The following UBE2E2 variants were observed in gnomAD, a reference collection of about 807,000 sequenced individuals.
The protein encoded by UBE2E2 is ubiquitin conjugating enzyme E2 E2.
Under a neutral mutation model 24.7 loss-of-function variants are expected in UBE2E2, and 6 were observed. The observed-to-expected ratio is 0.24, with a 90% CI of 0.13 to 0.48. The LOEUF (loss-of-function observed/expected upper bound fraction) is 0.48, where lower values mean the gene tolerates loss of function less well. Ranked by LOEUF, UBE2E2 falls within the 20% of genes least tolerant of loss-of-function variation. UBE2E2 has a pLI of 0.99. For missense variants in UBE2E2, 169 were observed against 245.0 expected (o/e 0.69, Z 2.07); for synonymous variants, 104 against 83.6 (o/e 1.24, Z -1.33).
In UBE2E2 at chr3:23,320,995, C is replaced by T. The variant is rs1157687771; in HGVS notation, c.227+103683C>T. ...AAGTGTCTGCAGGGCCATTCTCCTT[C>T]AGAAACCTTTAGGGAAGAATCTTAC... On this transcript the variant is annotated intron_variant, in intron 3 of 5. Coordinates refer to ENST00000396703, the MANE Select transcript of UBE2E2 (RefSeq NM_152653.4). 2.6e-5 allele frequency among the ~76,000 whole-genome samples: 4 copies of T among 152,368 alleles called. No individual in the cohort carries two copies. In the East Asian group the frequency reaches 5.8e-4, roughly 22 times the overall value.
At chr3:23,251,647 A>C (rs938449414) in intron 3 of UBE2E2, among the ~76,000 whole-genome samples, 1 of 152,230 alleles carries the variant, frequency 6.6e-6, no homozygotes, top group African/African-American at 2.4e-5. Context: ...AAAGTGATTC[A>C]TTATTAACTT....
At chr3:23,586,744 G>A (rs1344245419) in intron 5 of UBE2E2, among the ~76,000 whole-genome samples, 4 of 152,142 alleles carry the variant, frequency 2.6e-5, no homozygotes, top group Non-Finnish European at 5.9e-5. Context: ...ACAAAAGTTG[G>A]AGAGTACCCA....
intron 3 of UBE2E2, among the ~76,000 whole-genome samples, chr3:23,267,772 A>G (rs1449707299): frequency 1.3e-5 from 2 of 151,478 alleles, no homozygotes; most frequent in African/African-American, 4.9e-5. Flanking sequence ...TTTTAGACCA[A>G]TATCCTTGAT....
chr3:23,563,164 G>C (rs1695978271), intron 5 of UBE2E2, among the ~76,000 whole-genome samples: 1 of 151,862 alleles, frequency 6.6e-6, no homozygotes. Flanking sequence ...GTGATGTTAG[G>C]GTGTCAATTT....
At chr3:23,465,148 T>C (rs1698895236) in intron 3 of UBE2E2, among the ~76,000 whole-genome samples, 1 of 152,246 alleles carries the variant, frequency 6.6e-6, no homozygotes, top group Non-Finnish European at 1.5e-5. Flanking sequence ...CTACATGTCA[T>C]ATCATTTAAT....
At chr3:23,506,045 A>T (rs1694448943) in intron 4 of UBE2E2, among the ~76,000 whole-genome samples, 1 of 152,146 alleles carries the variant, frequency 6.6e-6, no homozygotes, top group Admixed American at 6.5e-5. Context: ...TTTATTGTTA[A>T]TGCTACTACT....
intron 3 of UBE2E2, among the ~76,000 whole-genome samples, chr3:23,381,262 G>A (rs1696663034): frequency 6.6e-6 from 1 of 152,122 alleles, no homozygotes; most frequent in South Asian, 2.1e-4. Context: ...CAAATCAGAT[G>A]GTCAGGTAAG....
At position 23,204,580 on chromosome 3, in the gene UBE2E2, C is replaced by T. The variant is rs1696095114; in HGVS notation, c.-9+1116C>T. 7 of 552,588 alleles carry T rather than the reference C, an allele frequency of 1.3e-5. No individual in the cohort carries two copies. In the South Asian group the frequency reaches 3.1e-4, roughly 25 times the overall value. 34.2% of individuals were successfully genotyped at this position (552,588 alleles called of 1,614,324 possible). ...TTGTGAATCTAAATATTTGCCTTTA[C>T]TACGGCAATTTGGATGCTCCTTGGC... On this transcript the variant is annotated intron_variant, in intron 1 of 5. Coordinates refer to ENST00000396703, the MANE Select transcript of UBE2E2 (RefSeq NM_152653.4).
chr3:23,586,985 T>C (rs1366497834), intron 5 of UBE2E2, among the ~76,000 whole-genome samples: 2 of 152,170 alleles, frequency 1.3e-5, no homozygotes, highest in East Asian at 3.9e-4. Context: ...TTTCTTTGCG[T>C]GGATTTATAC....
intron 5 of UBE2E2, among the ~76,000 whole-genome samples, chr3:23,570,349 A>G (rs1696192304): frequency 6.6e-6 from 1 of 152,120 alleles, no homozygotes; most frequent in African/African-American, 2.4e-5. Flanking sequence ...TTCACTGCCC[A>G]GTTCCCTGAT....
At chr3:23,217,164 A>G in intron 2 of UBE2E2, 98 bp from the exon 3 acceptor site, 1 of 1,156,898 alleles carries the variant, frequency 8.6e-7, no homozygotes, top group Non-Finnish European at 1.3e-6. Flanking sequence ...AAACTAATAT[A>G]CCAAAGGGAA....
At chr3:23,585,866 G>A (rs984466114) in intron 5 of UBE2E2, among the ~76,000 whole-genome samples, 1 of 134,700 alleles carries the variant, frequency 7.4e-6, no homozygotes, top group Non-Finnish European at 1.5e-5. Context: ...GAGTGAAACT[G>A]TCTCAACAAA....
chr3:23,389,439 G>A (rs922735657), intron 3 of UBE2E2, among the ~76,000 whole-genome samples: 3 of 152,196 alleles, frequency 2.0e-5, no homozygotes, highest in Admixed American at 6.5e-5. Context: ...TTTCTGTACC[G>A]TCTTCCCTCC....
chr3:23,442,839 C>T (rs1214147841), intron 3 of UBE2E2, among the ~76,000 whole-genome samples: 1 of 152,124 alleles, frequency 6.6e-6, no homozygotes, highest in Admixed American at 6.5e-5. Flanking sequence ...GGTTTCCCCT[C>T]AGAGGAATGT....
intron 5 of UBE2E2, among the ~76,000 whole-genome samples, chr3:23,554,548 A>ATC (rs1404629062): frequency 2.0e-5 from 3 of 152,106 alleles, no homozygotes. Context: ...TTGGACCTTT[A>ATC]TCTTACACTA....
intron 4 of UBE2E2, among the ~76,000 whole-genome samples, chr3:23,524,226 A>AT (rs1043636198): frequency 8.6e-5 from 13 of 152,028 alleles, no homozygotes; most frequent in African/African-American, 3.1e-4. Context: ...CTGTATTAAA[A>AT]TTTTTTTTAT....
At chr3:23,505,079 T>G (rs993171300) in intron 4 of UBE2E2, among the ~76,000 whole-genome samples, 11 of 31,926 alleles carry the variant, frequency 3.4e-4, no homozygotes, top group African/African-American at 1.6e-3. Flanking sequence ...CTAATTTTTG[T>G]TTTTTTTTTT....
intron 3 of UBE2E2, among the ~76,000 whole-genome samples, chr3:23,385,529 C>G (rs1696787122): frequency 6.6e-6 from 1 of 152,214 alleles, no homozygotes; most frequent in Non-Finnish European, 1.5e-5. Context: ...AGGGCTTGCT[C>G]TGTAATCCTG....
chr3:23,388,316 C>CA (rs780648659), intron 3 of UBE2E2, among the ~76,000 whole-genome samples: 17 of 152,288 alleles, frequency 1.1e-4, no homozygotes, highest in Non-Finnish European at 2.1e-4. Flanking sequence ...GTGGAATTCT[C>CA]ACTGCTGGTT....
Sources: gnomAD v4.1 joint callset for allele counts (sites outside exome capture counted in the v4.1 genomes callset) on GRCh38, gnomAD v4.1.1 for gene constraint, MANE v1.5 for transcripts, NCBI Gene and HGNC (gene_info 2026-07-23, HGNC 2026-07-21) for gene names.